The following ANKH variants were observed in gnomAD, a reference collection of about 807,000 sequenced individuals.
The protein encoded by ANKH is ANKH inorganic pyrophosphate transport regulator, also known as mineralization regulator ANKH.
Under a neutral mutation model 49.0 loss-of-function variants are expected in ANKH, and 15 were observed. The ratio of observed to expected loss-of-function variants is 0.31; its 90% confidence interval spans 0.20 to 0.47. The LOEUF is 0.47. Among genes scored for constraint, ANKH ranks in the 20% least tolerant of loss-of-function variants. ANKH has a pLI of 1.00. For synonymous variants in ANKH, 273 were observed against 260.0 expected (o/e 1.05, Z -0.48); for missense variants, 429 against 652.0 (o/e 0.66, Z 3.72).
chr5:14,838,160 G>A lies in ANKH; in HGVS notation c.96+33192C>T, dbSNP rs561976423. Among the ~76,000 whole-genome samples the A allele has an allele frequency of 2.4e-4, 37 of 152,254 alleles. No individual in the cohort carries two copies. In the South Asian group the frequency reaches 7.5e-3, roughly 31 times the overall value. ...GATAGCATTAGGAGAAATACCTAATGTAAGTGATGAGTTAATGGGTGCAGC... is the reference window on the plus strand; with the variant it reads ...GATAGCATTAGGAGAAATACCTAATATAAGTGATGAGTTAATGGGTGCAGC... On this transcript the variant is annotated intron_variant, in intron 1 of 11. Transcript: ENST00000284268.
chr5:14,846,870 T>C (rs112557763), intron 1 of ANKH, among the ~76,000 whole-genome samples: 1 of 151,952 alleles, frequency 6.6e-6, no homozygotes, highest in African/African-American at 2.4e-5. Flanking sequence ...TAGCCAGGCA[T>C]GGTGTTATGC....
chr5:14,814,144 C>G (rs1034142595), intron 1 of ANKH, among the ~76,000 whole-genome samples: 1 of 152,368 alleles, frequency 6.6e-6, no homozygotes, highest in Non-Finnish European at 1.5e-5. Context: ...TTTTCATAGA[C>G]AATTGCTATT....
chr5:14,793,030 ATATAAAAATATATATAT>A (rs1340178608), intron 1 of ANKH, among the ~76,000 whole-genome samples: 13,712 of 91,446 alleles, frequency 0.15, 924 homozygotes, highest in African/African-American at 0.2. Flanking sequence ...AAATATATAT[ATATAAAAATATATATAT>A]AAATATATAT....
chr5:14,747,726 T>C (rs1156850750), intron 6 of ANKH, among the ~76,000 whole-genome samples: 1 of 152,162 alleles, frequency 6.6e-6, no homozygotes, highest in African/African-American at 2.4e-5. Context: ...AAAACGGCAA[T>C]GTCCAGAGGT....
chr5:14,821,748 C>T (rs561829759), intron 1 of ANKH, among the ~76,000 whole-genome samples: 35 of 152,198 alleles, frequency 2.3e-4, no homozygotes, highest in Admixed American at 4.6e-4. Flanking sequence ...ATTTCTGCCG[C>T]ATCCCATCCA....
intron 1 of ANKH, among the ~76,000 whole-genome samples, chr5:14,813,720 G>GCT (rs1170317581): frequency 1.3e-5 from 2 of 152,156 alleles, no homozygotes; most frequent in Non-Finnish European, 1.5e-5. Context: ...TCCAGCTCCA[G>GCT]CTCTACCTCT....
At chr5:14,760,341 G>T (rs1739036688) in intron 2 of ANKH, among the ~76,000 whole-genome samples, 1 of 152,178 alleles carries the variant, frequency 6.6e-6, no homozygotes, top group Non-Finnish European at 1.5e-5. Context: ...ATGAAAAGGG[G>T]ATTAGTAGAG....
chr5:14,735,892 A>C (rs1289187018), intron 8 of ANKH, among the ~76,000 whole-genome samples: 4 of 152,152 alleles, frequency 2.6e-5, no homozygotes, highest in Non-Finnish European at 5.9e-5. Flanking sequence ...AATCCTATTC[A>C]ACCCATAACA....
At position 14,781,546 on chromosome 5, in the gene ANKH, CA is replaced by C. The variant is rs1288377392; in HGVS notation, c.97-12356del. Among the ~76,000 whole-genome samples the C allele has an allele frequency of 3.9e-5, 6 of 152,142 alleles. No homozygotes were observed. In the East Asian group the frequency reaches 1.2e-3, roughly 29 times the overall value. On this transcript the variant is annotated intron_variant, in intron 1 of 11. Transcript: ENST00000284268. Reference sequence around the variant, plus strand: ...GTGTCTTCAATATGTCAGGAGAAAACAAAAAGCATTTTCCTGTATGACCTCT... The same window carrying C: ...GTGTCTTCAATATGTCAGGAGAAAACAAAAGCATTTTCCTGTATGACCTCT...
intron 1 of ANKH, among the ~76,000 whole-genome samples, chr5:14,822,847 C>T (rs1023933399): frequency 6.6e-6 from 1 of 152,062 alleles, no homozygotes; most frequent in Non-Finnish European, 1.5e-5. Flanking sequence ...GAGATCGAGA[C>T]CACGGTGAAA....
chr5:14,751,311 G>T, intron 4 of ANKH, 72 bp from the exon 5 acceptor site: 3 of 1,496,000 alleles, frequency 2.0e-6, no homozygotes, highest in South Asian at 1.2e-5. Context: ...ACAGGGGCAC[G>T]CTCTTGAACC....
chr5:14,774,431 CATTATT>C (rs368164247), intron 1 of ANKH, among the ~76,000 whole-genome samples: 5 of 151,890 alleles, frequency 3.3e-5, no homozygotes, highest in East Asian at 1.9e-4. Flanking sequence ...TTTTCCCATT[CATTATT>C]ATTATTATTT....
At chr5:14,784,507 A>G (rs1363086391) in intron 1 of ANKH, among the ~76,000 whole-genome samples, 2 of 152,200 alleles carry the variant, frequency 1.3e-5, no homozygotes, top group African/African-American at 4.8e-5. Context: ...CTACCCAGGC[A>G]ATTAAGTAGG....
intron 1 of ANKH, among the ~76,000 whole-genome samples, chr5:14,801,835 T>C (rs543573699): frequency 2.0e-5 from 3 of 152,152 alleles, no homozygotes; most frequent in African/African-American, 7.2e-5. Flanking sequence ...CAGTGTGTCA[T>C]GAAAACAATT....
At chr5:14,813,263 A>G (rs983100625) in intron 1 of ANKH, among the ~76,000 whole-genome samples, 1 of 152,094 alleles carries the variant, frequency 6.6e-6, no homozygotes, top group Non-Finnish European at 1.5e-5. Context: ...GCATGGTTGA[A>G]TGGGCAACCA....
chr5:14,852,390 T>G (rs546132210), intron 1 of ANKH, among the ~76,000 whole-genome samples: 9 of 142,530 alleles, frequency 6.3e-5, no homozygotes, highest in Non-Finnish European at 1.4e-4. Flanking sequence ...AGCACATGAT[T>G]AGGTCACAAC....
chr5:14,760,450 C>T (rs889826373), intron 2 of ANKH, among the ~76,000 whole-genome samples: 13 of 152,168 alleles, frequency 8.5e-5, no homozygotes, highest in Admixed American at 5.2e-4. Context: ...AAACACAAAG[C>T]CAGAATGAAG....
rs574845847 is a variant in ANKH, at chr5:14,841,685, C to T, written c.96+29667G>A. On this transcript the variant is annotated intron_variant, in intron 1 of 11. Transcript: ENST00000284268. ...CATCCACACCATCCATCTCCGGAAC[C>T]CTTTCTGCCTTGCAAAACTGAAACT... is the stretch of plus-strand genomic sequence containing the variant. 4.7e-4 allele frequency among the ~76,000 whole-genome samples: 72 copies of T among 152,278 alleles called. 1 individual carries two copies. The highest frequency in any genetic ancestry group is 1.2e-3 in the African/African-American group (49 of 41,560).
At chr5:14,856,163 T>C (rs1271335746) in intron 1 of ANKH, among the ~76,000 whole-genome samples, 1 of 151,114 alleles carries the variant, frequency 6.6e-6, no homozygotes, top group Non-Finnish European at 1.5e-5. Context: ...CTACAAAAAA[T>C]AGAGGAGGCG....
Sources: allele counts gnomAD v4.1 joint callset (sites outside exome capture counted in the v4.1 genomes callset), GRCh38; gene constraint gnomAD v4.1.1; transcripts MANE v1.5; gene names NCBI Gene and HGNC (gene_info 2026-07-23, HGNC 2026-07-21).